The following ACYP2 variants were observed in gnomAD, a reference collection of about 807,000 sequenced individuals.
The protein encoded by ACYP2 is acylphosphatase-2.
In ACYP2, 12 loss-of-function variants were observed where a neutral mutation model predicts 11.2. The ratio of observed to expected loss-of-function variants is 1.08; its 90% CI spans 0.69 to 1.74. The LOEUF (loss-of-function observed/expected upper bound fraction) is 1.74. ACYP2 is among the 40% of genes most tolerant of loss of function. ACYP2 has a pLI of 0.00. For missense variants in ACYP2, 134 were observed against 101.9 expected (o/e 1.31, Z -1.35); for synonymous variants, 43 against 32.2 (o/e 1.33, Z -1.13).
intron 6 of ACYP2, chr2:54,254,329 GTC>G: frequency 6.6e-6 from 1 of 152,634 alleles, no homozygotes; most frequent in Non-Finnish European, 1.5e-5. Context: ...GCTGGCAATG[GTC>G]TGGGATATGT....
chr2:54,034,394 A>G (rs1424549406), intron 2 of ACYP2, among the ~76,000 whole-genome samples: 1 of 152,116 alleles, frequency 6.6e-6, no homozygotes, highest in Non-Finnish European at 1.5e-5. Context: ...CTGTATTTGT[A>G]TTGTACCTTT....
At chr2:54,098,940 CT>C (rs1219018260) in intron 4 of ACYP2, among the ~76,000 whole-genome samples, 1 of 152,030 alleles carries the variant, frequency 6.6e-6, no homozygotes. Context: ...GTTGCCCAGG[CT>C]TGGTCTCAAA....
In ACYP2 at chr2:54,023,365, G is replaced by C. The variant is rs563498201; in HGVS notation, c.63-27593G>C. Among the ~76,000 whole-genome samples, 7 of 152,190 alleles carry C rather than the reference G, an allele frequency of 4.6e-5. No homozygotes were observed. In the South Asian group the frequency reaches 6.2e-4, roughly 14 times the overall value. On this transcript the variant is annotated intron_variant, in intron 2 of 6. Transcript: ENST00000607452. ...GAGAGGGGTCTCCCTATGTTGTCTA[G>C]CCTGGTCTCAAACTCCTAGGCTCAA... is the stretch of plus-strand genomic sequence containing the variant.
chr2:54,179,800 C>T (rs1446094512), intron 6 of ACYP2, among the ~76,000 whole-genome samples: 2 of 152,110 alleles, frequency 1.3e-5, no homozygotes, highest in East Asian at 3.9e-4. Context: ...CCTGTCTCAT[C>T]CTGTGACTTA....
chr2:54,263,732 A>G (rs1454561064), intron 6 of ACYP2, among the ~76,000 whole-genome samples: 2 of 152,206 alleles, frequency 1.3e-5, no homozygotes, highest in African/African-American at 4.8e-5. Flanking sequence ...CTCTTTGCAT[A>G]TGTTTCAAGA....
chr2:54,180,659 A>G (rs1683665887), intron 6 of ACYP2, among the ~76,000 whole-genome samples: 1 of 152,114 alleles, frequency 6.6e-6, no homozygotes, highest in South Asian at 2.1e-4. Context: ...GGCTCAAACA[A>G]TCCTCCCACC....
At position 54,304,916 on chromosome 2, in the gene ACYP2, C is replaced by A; in HGVS notation, c.*114C>A. ...GAAAAGGAACTTTCTGTTCTGAAAGCTAAGCGACTGTACGTGCTACTAAAA... is the reference window on the plus strand; with the variant it reads ...GAAAAGGAACTTTCTGTTCTGAAAGATAAGCGACTGTACGTGCTACTAAAA... On this transcript the variant is annotated 3_prime_UTR_variant, in exon 7 of 7. Coordinates refer to ENST00000607452, the MANE Select transcript of ACYP2 (RefSeq NM_001320586.2). 1.4e-4 allele frequency: 63 copies of A among 452,110 alleles called. No homozygotes were observed. The highest frequency in any genetic ancestry group is 1.7e-4 in the Non-Finnish European group (46 of 263,074). The allele number at this position is 452,110 out of a possible 1,614,324, so 28.0% of individuals were successfully genotyped here.
intron 4 of ACYP2, among the ~76,000 whole-genome samples, chr2:54,108,893 CTAGATA>C (rs1348229793): frequency 6.6e-6 from 1 of 152,268 alleles, no homozygotes; most frequent in East Asian, 1.9e-4. Flanking sequence ...TTCCTTACTT[CTAGATA>C]TATTCTTTTG....
At chr2:54,174,205 T>C (rs191795294) in intron 6 of ACYP2, among the ~76,000 whole-genome samples, 3 of 152,256 alleles carry the variant, frequency 2.0e-5, no homozygotes, top group Admixed American at 6.5e-5. Flanking sequence ...TCTTTTATTT[T>C]GTTGAGCAGT....
intron 6 of ACYP2, among the ~76,000 whole-genome samples, chr2:54,284,520 T>A (rs907673596): frequency 6.6e-6 from 1 of 152,236 alleles, no homozygotes; most frequent in Non-Finnish European, 1.5e-5. Flanking sequence ...ACACTTTTCT[T>A]GTGACTCAGT....
chr2:54,026,386 A>G (rs937615545), intron 2 of ACYP2, among the ~76,000 whole-genome samples: 1 of 152,086 alleles, frequency 6.6e-6, no homozygotes, highest in Non-Finnish European at 1.5e-5. Flanking sequence ...AACAATAACC[A>G]TAATTAAAAA....
Position 54,251,134 on chromosome 2 carries a change from C to T in ACYP2, c.405-53554C>T, listed in dbSNP as rs181245773. Among the ~76,000 whole-genome samples, 509 of 152,308 alleles carry T rather than the reference C, an allele frequency of 3.3e-3. 4 individuals are homozygous for T. Among genetic ancestry groups the T allele is most frequent in the Non-Finnish European group, 4.9e-3 (330 of 68,016 alleles). ...ATAACTGAAAAACTGTGATAAAGGT[C>T]AGTTGACAAAATGAGTGGAGCACTG... is the stretch of plus-strand genomic sequence containing the variant. On this transcript the variant is annotated intron_variant, in intron 6 of 6. Coordinates refer to ENST00000607452, the MANE Select transcript of ACYP2 (RefSeq NM_001320586.2).
intron 6 of ACYP2, among the ~76,000 whole-genome samples, chr2:54,180,806 C>A (rs1165773547): frequency 6.6e-6 from 1 of 152,160 alleles, no homozygotes; most frequent in East Asian, 1.9e-4. Context: ...TCGCCTGCCT[C>A]AGCCTCCGAA....
intron 5 of ACYP2, among the ~76,000 whole-genome samples, chr2:54,136,284 A>G (rs1274406996): frequency 2.0e-5 from 3 of 152,010 alleles, no homozygotes; most frequent in African/African-American, 7.2e-5. Flanking sequence ...CAAGTTATCC[A>G]CCTGCCTTGG....
At chr2:54,069,327 C>T (rs1190728989) in intron 4 of ACYP2, among the ~76,000 whole-genome samples, 1 of 152,012 alleles carries the variant, frequency 6.6e-6, no homozygotes, top group African/African-American at 2.4e-5. Flanking sequence ...TCACCCCCTA[C>T]TTTCCCAAGA....
intron 4 of ACYP2, among the ~76,000 whole-genome samples, chr2:54,132,191 T>A (rs923311814): frequency 9.2e-5 from 14 of 152,192 alleles, no homozygotes; most frequent in African/African-American, 3.1e-4. Context: ...CACTTTTGCC[T>A]GCACAGTGCA....
chr2:54,240,102 T>G (rs1686669215), intron 6 of ACYP2, among the ~76,000 whole-genome samples: 1 of 152,192 alleles, frequency 6.6e-6, no homozygotes, highest in African/African-American at 2.4e-5. Context: ...GTAACCATCT[T>G]ATGTGACCAA....
At chr2:54,239,268 T>C (rs1686629187) in intron 6 of ACYP2, among the ~76,000 whole-genome samples, 1 of 152,134 alleles carries the variant, frequency 6.6e-6, no homozygotes, top group Non-Finnish European at 1.5e-5. Flanking sequence ...TCCAGGAATG[T>C]CTCAAAGGGA....
At chr2:54,041,940 G>A (rs1047465697) in intron 2 of ACYP2, among the ~76,000 whole-genome samples, 1 of 151,220 alleles carries the variant, frequency 6.6e-6, no homozygotes, top group South Asian at 2.1e-4. Context: ...ACAGGCATGA[G>A]ACACCTCACA....
Sources: gnomAD v4.1 joint callset for allele counts (sites outside exome capture counted in the v4.1 genomes callset) on GRCh38, gnomAD v4.1.1 for gene constraint, MANE v1.5 for transcripts, NCBI Gene and HGNC (gene_info 2026-07-23, HGNC 2026-07-21) for gene names.